The following CDC42BPA variants were observed in gnomAD, a reference collection of about 807,000 sequenced individuals.
The protein encoded by CDC42BPA is serine/threonine-protein kinase MRCK alpha.
Under a neutral mutation model 223.5 loss-of-function variants are expected in CDC42BPA, and 80 were observed. That is an observed-to-expected ratio of 0.36 (90% CI 0.30 to 0.43). The LOEUF is 0.43. CDC42BPA is among the 20% of genes least tolerant of loss of function. CDC42BPA has a pLI of 1.00. For synonymous variants in CDC42BPA, 694 were observed against 718.6 expected (o/e 0.97, Z 0.55); for missense variants, 1,743 against 2,099.9 (o/e 0.83, Z 3.32).
intron 6 of CDC42BPA, among the ~76,000 whole-genome samples, chr1:227,153,644 T>C (rs939092067): frequency 6.6e-6 from 1 of 151,638 alleles, no homozygotes; most frequent in Admixed American, 6.6e-5. Context: ...TCAGAGAAAA[T>C]GGACAATTTT....
Position 227,316,975 on chromosome 1 carries a change from T to G in CDC42BPA, c.178+30A>C, listed in dbSNP as rs765075719. On this transcript the variant is annotated intron_variant, in intron 1 of 36. Transcript: ENST00000366766. ...TAAATCATAATGACCAGCTAAAGAT[T>G]AACAGTTTCTTTAAAAATTACAAAC... 71 of 1,526,718 alleles carry G rather than the reference T, an allele frequency of 4.7e-5. No individual in the cohort carries two copies. In the Middle Eastern group the frequency reaches 5.1e-4, roughly 11 times the overall value. The allele number at this position is 1,526,718 out of a possible 1,614,324, so 94.6% of individuals were successfully genotyped here.
At chr1:227,250,896 T>C (rs1322881208) in intron 2 of CDC42BPA, among the ~76,000 whole-genome samples, 3 of 151,406 alleles carry the variant, frequency 2.0e-5, no homozygotes, top group African/African-American at 7.3e-5. Context: ...TACAAGAAAA[T>C]TTACAAATTA....
chr1:227,069,645 GTTT>G, intron 21 of CDC42BPA, 129 bp downstream of exon 21: 6 of 592,992 alleles, frequency 1.0e-5, no homozygotes, highest in Admixed American at 3.0e-5. Flanking sequence ...CTGCTAATAT[GTTT>G]TTGTTTATTT....
intron 2 of CDC42BPA, among the ~76,000 whole-genome samples, chr1:227,247,878 T>G (rs1313049423): frequency 6.6e-6 from 1 of 152,020 alleles, no homozygotes; most frequent in Non-Finnish European, 1.5e-5. Flanking sequence ...TGTGACTCCA[T>G]CTCAAAATAA....
intron 5 of CDC42BPA, among the ~76,000 whole-genome samples, chr1:227,183,756 C>G (rs1457768002): frequency 6.6e-6 from 1 of 152,204 alleles, no homozygotes; most frequent in African/African-American, 2.4e-5. Context: ...TGCTTAACTT[C>G]TTTTAAAAAA....
At chr1:227,146,733 A>C (rs532651788) in intron 7 of CDC42BPA, among the ~76,000 whole-genome samples, 28 of 152,134 alleles carry the variant, frequency 1.8e-4, no homozygotes, top group Admixed American at 9.2e-4. Flanking sequence ...TAACGTTAGA[A>C]TAGGTATCCT....
At chr1:227,172,628 G>T (rs184052098) in intron 5 of CDC42BPA, among the ~76,000 whole-genome samples, 4 of 151,962 alleles carry the variant, frequency 2.6e-5, no homozygotes, top group Admixed American at 2.6e-4. Flanking sequence ...CCACTGAGAC[G>T]GAAGGAAGAA....
intron 21 of CDC42BPA, 118 bp from the exon 22 acceptor site, chr1:227,052,103 C>A (rs957288159): frequency 2.1e-5 from 10 of 485,546 alleles, no homozygotes; most frequent in Non-Finnish European, 3.9e-5. Context: ...AGGAGGATAA[C>A]AAACTTTAGT....
intron 2 of CDC42BPA, 129 bp downstream of exon 2, chr1:227,253,926 AATCAATCAC>A (rs1682607917): frequency 1.5e-6 from 1 of 678,076 alleles, no homozygotes; most frequent in Non-Finnish European, 2.6e-6. Context: ...ACAACAGCAC[AATCAATCAC>A]ATCAATCACA....
At chr1:227,202,879 A>C (rs6697272) in intron 3 of CDC42BPA, among the ~76,000 whole-genome samples, 31,022 of 152,044 alleles carry the variant, frequency 0.2, 3,270 homozygotes, top group East Asian at 0.26. Flanking sequence ...GAAGTGAGCT[A>C]TGATCACACC....
intron 21 of CDC42BPA, among the ~76,000 whole-genome samples, chr1:227,057,392 C>T (rs1391245125): frequency 1.3e-5 from 2 of 151,980 alleles, no homozygotes; most frequent in Non-Finnish European, 2.9e-5. Context: ...TAAAATACTG[C>T]ATATTTTCTT....
chr1:226,996,043 G>A (rs1661531038), intron 35 of CDC42BPA, among the ~76,000 whole-genome samples: 1 of 152,194 alleles, frequency 6.6e-6, no homozygotes, highest in Admixed American at 6.5e-5. Context: ...TAAATAAACT[G>A]AACAAGAGCC....
chr1:227,301,012 C>T (rs952301696), intron 1 of CDC42BPA, among the ~76,000 whole-genome samples: 1 of 152,142 alleles, frequency 6.6e-6, no homozygotes, highest in Non-Finnish European at 1.5e-5. Context: ...CCATCCTTTG[C>T]GTCATTTACA....
chr1:227,127,705 C>T (rs1656126658), intron 11 of CDC42BPA, among the ~76,000 whole-genome samples: 1 of 152,068 alleles, frequency 6.6e-6, no homozygotes, highest in Admixed American at 6.5e-5. Context: ...GATAAAGTAA[C>T]AGAGATTAGA....
intron 1 of CDC42BPA, among the ~76,000 whole-genome samples, chr1:227,313,119 T>C (rs1317830966): frequency 2.6e-5 from 4 of 152,078 alleles, no homozygotes; most frequent in Admixed American, 6.5e-5. Flanking sequence ...CTAAAAACAA[T>C]TATAATACAA....
intron 1 of CDC42BPA, among the ~76,000 whole-genome samples, chr1:227,303,087 C>G (rs1051743883): frequency 6.6e-6 from 1 of 151,534 alleles, no homozygotes; most frequent in Non-Finnish European, 1.5e-5. Context: ...GGACTGTACC[C>G]TATAGAGGCT....
intron 22 of CDC42BPA, among the ~76,000 whole-genome samples, chr1:227,050,565 A>G (rs1002764345): frequency 3.3e-5 from 5 of 152,234 alleles, no homozygotes; most frequent in African/African-American, 1.2e-4. Context: ...ATCCAACTGC[A>G]GGAGAATGGA....
chr1:227,113,093 T>G (rs1687190814), intron 12 of CDC42BPA, among the ~76,000 whole-genome samples, 180 bp from the exon 13 acceptor site: 1 of 152,246 alleles, frequency 6.6e-6, no homozygotes, highest in African/African-American at 2.4e-5. Flanking sequence ...ATAGTCTCAA[T>G]TCCTTATGCT....
chr1:226,998,138 C>T (rs1289470), intron 35 of CDC42BPA, among the ~76,000 whole-genome samples: 136,775 of 152,236 alleles, frequency 0.9, 61,492 homozygotes, highest in African/African-American at 0.9. Flanking sequence ...GTCAAGGAAA[C>T]AAGAGAGGAC....
Sources: gnomAD v4.1 joint callset for allele counts (sites outside exome capture counted in the v4.1 genomes callset) on GRCh38, gnomAD v4.1.1 for gene constraint, MANE v1.5 for transcripts, NCBI Gene and HGNC (gene_info 2026-07-23, HGNC 2026-07-21) for gene names.